KYAT3: variants seen among roughly 807,000 people sequenced by gnomAD.
KYAT3 encodes kynurenine aminotransferase 3.
In KYAT3, 50 loss-of-function variants were observed where a neutral mutation model predicts 59.0. That is an observed-to-expected ratio of 0.85 (90% CI 0.68 to 1.07). KYAT3 has a LOEUF of 1.07. KYAT3 is among the 50% of genes least tolerant of loss of function. The probability of loss-of-function intolerance (pLI) is 0.00; values close to 1 mark genes in which losing one functional copy is unlikely to be tolerated. For missense variants in KYAT3, 497 were observed against 533.3 expected, an observed-to-expected ratio of 0.93 and a Z score of 0.67; for synonymous variants, 148 against 177.0, an observed-to-expected ratio of 0.84 and a Z score of 1.30.
chr1:88,981,262 AAT>A (rs1189509664), intron 2 of KYAT3: 3 of 152,240 alleles, frequency 2.0e-5, no homozygotes, highest in Non-Finnish European at 1.5e-5. Flanking sequence ...ACCACAAAAA[AAT>A]GTTTCACTTA....
At chr1:88,944,404 A>G (rs1675357936) in intron 11 of KYAT3, among the ~76,000 whole-genome samples, 1 of 152,204 alleles carries the variant, frequency 6.6e-6, no homozygotes, top group Non-Finnish European at 1.5e-5. Context: ...CTTTTACCTG[A>G]TATTTTAATC....
chr1:88,968,580 A>G (rs757546521), intron 4 of KYAT3, 90 bp downstream of exon 4: 134 of 1,058,374 alleles, frequency 1.3e-4, no homozygotes, highest in Non-Finnish European at 1.6e-4. Context: ...TCACTTATAT[A>G]TGAATGACAG....
chr1:88,946,762 T>C (rs1224890009), intron 11 of KYAT3, among the ~76,000 whole-genome samples: 1 of 152,218 alleles, frequency 6.6e-6, no homozygotes, highest in Non-Finnish European at 1.5e-5. Flanking sequence ...TAAGAGGTTC[T>C]ATATAAGCAT....
At position 88,956,107 on chromosome 1, in the gene KYAT3, G is replaced by A. The variant is rs143365071; in HGVS notation, c.788-882C>T. On this transcript the variant is annotated intron_variant, in intron 8 of 13. Coordinates refer to ENST00000260508, the MANE Select transcript of KYAT3 (RefSeq NM_001008661.3). ...CTTATCAAACACACATATTTTCTCC[G>A]TAAGGAACATCACAGCCTTCTTGCA... Among the ~76,000 whole-genome samples, 1,298 of 152,128 alleles carry A rather than the reference G, an allele frequency of 8.5e-3. 14 individuals carry two copies. The highest frequency in any genetic ancestry group is 0.03 in the African/African-American group (1,251 of 41,494).
intron 13 of KYAT3, among the ~76,000 whole-genome samples, chr1:88,940,354 G>A (rs919110905): frequency 1.3e-5 from 2 of 152,250 alleles, no homozygotes; most frequent in African/African-American, 2.4e-5. Context: ...TTACAGGTGT[G>A]AGCCACCGCA....
chr1:88,928,436 G>A, the KYAT3 span, among the ~76,000 whole-genome samples: 1 of 152,152 alleles, frequency 6.6e-6, no homozygotes, highest in Non-Finnish European at 1.5e-5. Context: ...GGACTTTGGA[G>A]GCTCTGGAAA....
chr1:88,988,645 T>C (rs1036405557), intron 1 of KYAT3, among the ~76,000 whole-genome samples: 1 of 152,214 alleles, frequency 6.6e-6, no homozygotes, highest in Admixed American at 6.5e-5. Context: ...GTCAAGAGCA[T>C]TAAATTTCAG....
intron 4 of KYAT3, among the ~76,000 whole-genome samples, chr1:88,966,445 T>C (rs909813688): frequency 2.0e-5 from 3 of 152,192 alleles, no homozygotes; most frequent in Admixed American, 6.5e-5. Flanking sequence ...GGATATATTT[T>C]AAAAAATTTA....
intron 5 of KYAT3, among the ~76,000 whole-genome samples, chr1:88,963,287 A>C (rs2101047688): frequency 6.6e-6 from 1 of 152,330 alleles, no homozygotes; most frequent in East Asian, 1.9e-4. Flanking sequence ...AACAGAGTGC[A>C]GAGAAAGAAG....
intron 2 of KYAT3, among the ~76,000 whole-genome samples, chr1:88,972,563 G>A (rs1676594641): frequency 6.6e-6 from 1 of 152,116 alleles, no homozygotes; most frequent in African/African-American, 2.4e-5. Flanking sequence ...CCAAAGTCTT[G>A]GTGGCCTAAA....
chr1:88,964,974 T>C lies in KYAT3; in HGVS notation c.308A>G (p.His103Arg). 2 of 1,594,748 alleles carry C rather than the reference T, an allele frequency of 1.3e-6. No homozygotes were observed. The highest frequency in any genetic ancestry group is 1.7e-6 in the Non-Finnish European group (2 of 1,175,978). The change falls in exon 5 of 14, where the codon CAT becomes CGT. Residue 103 changes from histidine to arginine, a missense_variant. Coordinates refer to ENST00000260508, the MANE Select transcript of KYAT3 (RefSeq NM_001008661.3). Reference sequence around the variant, plus strand: ...GGACAGAGCTTTCACAAGTGATGGATGGCCCTGTTGGATTAAAAATAAGAA... The same window carrying C: ...GGACAGAGCTTTCACAAGTGATGGACGGCCCTGTTGGATTAAAAATAAGAA... Reference protein sequence around the residue: ...SLNQYTRGFGHPSLVKALSYL... With the variant: ...SLNQYTRGFGRPSLVKALSYL...
rs117741360 is a variant in KYAT3 at position 88,953,090 on chromosome 1, C to T, written c.927G>A (p.Thr309=). The T allele has an allele frequency of 1.6e-4, 259 of 1,612,102 alleles. 3 individuals are homozygous for T. The East Asian group carries it at 4.3e-3, about 27-fold the overall frequency. ...IKHLQTVQQN[T]IYTCATPLQE... Reference sequence around the variant, plus strand: ...GTAAAGGAGTTGCACAAGTATAAATCGTGTTTTGTTGAACTGTCTGTAAAT... The same window carrying T: ...GTAAAGGAGTTGCACAAGTATAAATTGTGTTTTGTTGAACTGTCTGTAAAT... The change falls in exon 10 of 14, where the codon ACG becomes ACA. Residue 309 remains threonine, a synonymous_variant. Coordinates refer to ENST00000260508, the MANE Select transcript of KYAT3 (RefSeq NM_001008661.3).
intron 9 of KYAT3, among the ~76,000 whole-genome samples, chr1:88,954,127 A>C (rs1315271654): frequency 1.3e-5 from 2 of 151,900 alleles, no homozygotes; most frequent in Non-Finnish European, 2.9e-5. Flanking sequence ...AGAACTCCTG[A>C]CCTGAGGTGA....
At position 88,968,685 on chromosome 1, in the gene KYAT3, C is replaced by T; in HGVS notation, c.288G>A (p.Gln96=). 6.3e-7 allele frequency: 1 copy of T among 1,582,694 alleles called. No homozygotes were observed. The highest frequency in any genetic ancestry group is 8.5e-7 in the Non-Finnish European group (1 of 1,171,294). The change falls in exon 4 of 14, where the codon CAG becomes CAA. Residue 96 remains glutamine, a synonymous_variant. Transcript: ENST00000260508. ...SKIAAIDSLN[Q]YTRGFGHPSL... is the part of the protein sequence containing the mutation. ...ATATACTTACAAAGCCTCGTGTATA[C>T]TGATTCAGGCTATCGATTGCTGCAA...
intron 8 of KYAT3, among the ~76,000 whole-genome samples, chr1:88,960,766 T>C (rs369937302): frequency 6.6e-6 from 1 of 152,198 alleles, no homozygotes; most frequent in African/African-American, 2.4e-5. Flanking sequence ...CCAAGCAGCA[T>C]ACCTGACTAC....
At chr1:88,969,018 C>G (rs1481726503) in intron 3 of KYAT3, among the ~76,000 whole-genome samples, 1 of 152,144 alleles carries the variant, frequency 6.6e-6, no homozygotes, top group Non-Finnish European at 1.5e-5. Context: ...AACCCAATGT[C>G]CCTTACAAAC....
downstream of KYAT3, among the ~76,000 whole-genome samples, chr1:88,931,730 C>A (rs150339749): frequency 1.4e-5 from 2 of 146,818 alleles, no homozygotes; most frequent in African/African-American, 5.3e-5. Flanking sequence ...AAAAACAGGA[C>A]GTAAAGAAAT....
intron 12 of KYAT3, 82 bp downstream of exon 12, chr1:88,943,268 G>A (rs1432913008): frequency 4.7e-5 from 48 of 1,024,134 alleles, no homozygotes; most frequent in African/African-American, 1.5e-4. Flanking sequence ...ACATTTGATC[G>A]ATTTCAAAGC....
chr1:88,992,009 T>A (rs6675968), intron 1 of KYAT3, among the ~76,000 whole-genome samples: 4 of 147,968 alleles, frequency 2.7e-5, no homozygotes, highest in African/African-American at 9.9e-5. Flanking sequence ...GACGGAGTCT[T>A]GCTCTGTCGC....
Sources: gnomAD v4.1 joint callset for allele counts (sites outside exome capture counted in the v4.1 genomes callset) on GRCh38, gnomAD v4.1.1 for gene constraint, MANE v1.5 for transcripts, NCBI Gene and HGNC (gene_info 2026-07-23, HGNC 2026-07-21) for gene names.